STIL: variants seen among roughly 807,000 people sequenced by gnomAD.
STIL encodes the protein STIL centriolar assembly protein.
Under a neutral mutation model 110.1 loss-of-function variants are expected in STIL, and 55 were observed. That is an observed-to-expected ratio of 0.50 (90% confidence interval 0.40 to 0.63). STIL has a LOEUF of 0.63. Among genes scored for constraint, STIL ranks in the 20% least tolerant of loss-of-function variants. The pLI is 0.00. For synonymous variants in STIL, 481 were observed against 530.0 expected (o/e 0.91, Z 1.27); for missense variants, 1,358 against 1,530.0 (o/e 0.89, Z 1.87).
chr1:47,300,101 G>A lies in STIL; in HGVS notation c.505C>T (p.Leu169Phe), dbSNP rs773911408. The A allele has an allele frequency of 3.1e-6, 5 of 1,614,102 alleles. No individual in the cohort carries two copies. The highest frequency in any genetic ancestry group is 4.2e-6 in the Non-Finnish European group (5 of 1,179,996). ...SKDSLDCGKL[L>F]SLRVHITSRE... is the part of the protein sequence containing the mutation. ...GAAGTGATATGAACTCTTAGGGAAA[G>A]CAGCTTACCACAGTCCAAGGAATCT... Residue 169 changes from leucine to phenylalanine, a missense_variant, in exon 6 of 17, where the codon CTT becomes TTT. Leu to Phe is a conservative substitution (Grantham distance 22). Coordinates refer to ENST00000371877, the MANE Select transcript of STIL (RefSeq NM_001048166.1).
At position 47,276,814 on chromosome 1, in the gene STIL, A is replaced by T. The variant is rs1645006659; in HGVS notation, c.2217+3427T>A. Among the ~76,000 whole-genome samples, 23 of 7,858 alleles carry T rather than the reference A, an allele frequency of 2.9e-3. No individual in the cohort carries two copies. The South Asian group carries it at 0.058, about 20-fold the overall frequency. 5.2% of individuals were successfully genotyped at this position (7,858 alleles called of 152,430 possible). A position where few individuals can be genotyped will look rare whatever the true frequency, so the allele number is the denominator to read the frequency against. Reference sequence around the variant, plus strand: ...GGGTGAAAGAGTAAAACTCTGCCTAAAAAAAAAAAAAAAAAAAAAAAAAAA... The same window carrying T: ...GGGTGAAAGAGTAAAACTCTGCCTATAAAAAAAAAAAAAAAAAAAAAAAAA... On this transcript the variant is annotated intron_variant, in intron 12 of 16. Transcript: ENST00000371877.
In STIL at chr1:47,281,007, G is replaced by T. The variant is rs1462388184; in HGVS notation, c.1451C>A (p.Ser484Tyr). Residue 484 changes from serine (S) to tyrosine (Y), a missense_variant, in exon 12 of 17, where the codon TCC becomes TAC. By Grantham distance (144) the Ser-to-Tyr change is moderately radical. Coordinates refer to ENST00000371877, the MANE Select transcript of STIL (RefSeq NM_001048166.1). ...HSPEVEAGEP[S>Y]LRGIPNQLNQ... ...TAACTGATTTGGTATTCCTCTCAAG[G>T]AAGGCTCTCCAGCTTCAACTTCTGG... 1 of 1,613,942 alleles carries T rather than the reference G, an allele frequency of 6.2e-7. No individual in the cohort carries two copies. The highest frequency in any genetic ancestry group is 8.5e-7 in the Non-Finnish European group (1 of 1,180,010).
At chr1:47,302,170 T>A in intron 4 of STIL, 64 bp downstream of exon 4, 3 of 1,223,900 alleles carry the variant, frequency 2.5e-6, no homozygotes, top group Non-Finnish European at 3.6e-6. Flanking sequence ...ATCCTCCCAC[T>A]CCAGCCTCCC....
At chr1:47,285,010 C>G (rs939333995) in intron 10 of STIL, among the ~76,000 whole-genome samples, 39 of 139,418 alleles carry the variant, frequency 2.8e-4, no homozygotes, top group Non-Finnish European at 3.9e-4. Context: ...TACCTGTAGA[C>G]ATTTTTTGTC....
intron 9 of STIL, among the ~76,000 whole-genome samples, chr1:47,288,126 A>G (rs1200097975): frequency 6.7e-6 from 1 of 149,468 alleles, no homozygotes; most frequent in Non-Finnish European, 1.5e-5. Context: ...CATGATCTCA[A>G]AGAAGGTACT....
At chr1:47,313,605 G>A (rs1424271246) in intron 1 of STIL, among the ~76,000 whole-genome samples, 1 of 152,112 alleles carries the variant, frequency 6.6e-6, no homozygotes. Flanking sequence ...CAGACACCGT[G>A]GCGATGGTAC....
intron 2 of STIL, among the ~76,000 whole-genome samples, chr1:47,306,949 C>T (rs1018683731): frequency 6.6e-6 from 1 of 152,124 alleles, no homozygotes; most frequent in Admixed American, 6.6e-5. Context: ...GCCTGCAGTT[C>T]GAGACCAGCC....
intron 2 of STIL, among the ~76,000 whole-genome samples, chr1:47,306,671 T>C (rs1179974926): frequency 6.6e-6 from 1 of 152,246 alleles, no homozygotes; most frequent in Non-Finnish European, 1.5e-5. Flanking sequence ...AAATTTGGTA[T>C]TCTGGAATAC....
chr1:47,280,040 C>T (rs1219160419), intron 12 of STIL, among the ~76,000 whole-genome samples: 1 of 152,172 alleles, frequency 6.6e-6, no homozygotes, highest in Non-Finnish European at 1.5e-5. Flanking sequence ...TAACTAGCAA[C>T]GTGGCATTGG....
chr1:47,308,427 G>A (rs1486846996), intron 2 of STIL, among the ~76,000 whole-genome samples: 1 of 148,632 alleles, frequency 6.7e-6, no homozygotes. Flanking sequence ...AAAGAAAATG[G>A]AAAAAAAAAA....
At position 47,251,737 on chromosome 1, in the gene STIL, T is replaced by C; in HGVS notation, c.3266A>G (p.Asn1089Ser). 6.2e-7 allele frequency: 1 copy of C among 1,614,166 alleles called. No individual in the cohort carries two copies. ...SQLSVTRSNQ[N>S]NCDPFSLLHI... ...GAGAAGGCTGAATGGGTCACAATTA[T>C]TTTGGTTCGATCGAGTGACAGACAG... is the stretch of plus-strand genomic sequence containing the variant. The change falls in exon 17 of 17, where the codon AAT (asparagine) becomes AGT (serine). Residue 1089 changes from asparagine (N) to serine (S), a missense_variant. Coordinates refer to ENST00000371877, the MANE Select transcript of STIL (RefSeq NM_001048166.1).
intron 6 of STIL, 53 bp from the exon 7 acceptor site, chr1:47,295,901 A>G (rs1459585935): frequency 7.7e-7 from 1 of 1,300,666 alleles, no homozygotes; most frequent in Non-Finnish European, 1.1e-6. Flanking sequence ...CTTTTTACCT[A>G]AAAGACATAA....
intron 8 of STIL, among the ~76,000 whole-genome samples, chr1:47,292,454 T>C (rs372718455): frequency 3.1e-4 from 47 of 152,206 alleles, no homozygotes; most frequent in Non-Finnish European, 6.3e-4. Context: ...CAAAGATGTA[T>C]GCATAAAATG....
At chr1:47,265,078 A>G (rs1033416297) in intron 14 of STIL, among the ~76,000 whole-genome samples, 1 of 151,508 alleles carries the variant, frequency 6.6e-6, no homozygotes, top group Non-Finnish European at 1.5e-5. Context: ...TTCACTAAAA[A>G]TACAAAAATT....
intron 12 of STIL, among the ~76,000 whole-genome samples, chr1:47,279,535 G>T (rs1377355564): frequency 6.6e-6 from 1 of 151,652 alleles, no homozygotes; most frequent in Non-Finnish European, 1.5e-5. Context: ...TCGAGACTAT[G>T]CTGGCCAACA....
At chr1:47,295,541 C>T (rs972357177) in intron 7 of STIL, among the ~76,000 whole-genome samples, 1 of 152,068 alleles carries the variant, frequency 6.6e-6, no homozygotes, top group Non-Finnish European at 1.5e-5. Context: ...GATCTCTCCA[C>T]TGCACTCCAG....
At chr1:47,290,839 G>GT (rs1645464872) in intron 8 of STIL, among the ~76,000 whole-genome samples, 1 of 152,154 alleles carries the variant, frequency 6.6e-6, no homozygotes, top group Admixed American at 6.5e-5. Context: ...GAGGTCAAAA[G>GT]TTTAACAACA....
In STIL at chr1:47,251,747, A is replaced by G; in HGVS notation, c.3256T>C (p.Ser1086Pro). Residue 1086 changes from serine to proline, a missense_variant, in exon 17 of 17, where the codon TCG becomes CCG. By Grantham distance (74) the Ser-to-Pro change is moderately conservative. Coordinates refer to ENST00000371877, the MANE Select transcript of STIL (RefSeq NM_001048166.1). ...NQLSQLSVTR[S>P]NQNNCDPFSL... ...AATGGGTCACAATTATTTTGGTTCG[A>G]TCGAGTGACAGACAGTTGTGACAGC... The G allele has an allele frequency of 6.2e-7, 1 of 1,614,148 alleles. No homozygotes were observed. The highest frequency in any genetic ancestry group is 8.5e-7 in the Non-Finnish European group (1 of 1,180,024).
Position 47,280,802 on chromosome 1 carries a change from A to G in STIL, c.1656T>C (p.Pro552=), listed in dbSNP as rs1373547700. The change falls in exon 12 of 17, where the codon CCT becomes CCC. Residue 552 remains proline, a synonymous_variant. Transcript: ENST00000371877. ...TAGAATTAAGTGTGGAGGGTCTTATAGGATACTCTTCGTTTTGTACATTTC... is the reference window on the plus strand; with the variant it reads ...TAGAATTAAGTGTGGAGGGTCTTATGGGATACTCTTCGTTTTGTACATTTC... ...SAGNVQNEEY[P]IRPSTLNSRQ... The G allele has an allele frequency of 6.2e-7, 1 of 1,614,166 alleles. No individual in the cohort carries two copies. The highest frequency in any genetic ancestry group is 1.3e-5 in the African/African-American group (1 of 75,046).
Sources: allele counts gnomAD v4.1 joint callset (sites outside exome capture counted in the v4.1 genomes callset), GRCh38; gene constraint gnomAD v4.1.1; transcripts MANE v1.5; gene names NCBI Gene and HGNC (gene_info 2026-07-23, HGNC 2026-07-21).